Variants in LAMP5 observed in about 807,000 individuals in gnomAD.
LAMP5 encodes the protein lysosome associated membrane protein 5.
LAMP5 carries 36 observed loss-of-function variants against 30.2 expected under a neutral mutation model. The observed-to-expected ratio is 1.19, with a 90% CI of 0.91 to 1.57. LAMP5 has a LOEUF of 1.57. LAMP5 is among the 40% of genes most tolerant of loss of function. The probability of loss-of-function intolerance (pLI) is 0.00; values close to 1 mark genes in which losing one functional copy is unlikely to be tolerated. For missense variants in LAMP5, 377 were observed against 354.9 expected, an observed-to-expected ratio of 1.06 and a Z score of -0.50; for synonymous variants, 149 against 134.6, an observed-to-expected ratio of 1.11 and a Z score of -0.74.
rs145179855 is a variant in LAMP5 at position 9,517,253 on chromosome 20, C to A, written c.476-787C>A. 2.1e-3 allele frequency among the ~76,000 whole-genome samples: 318 copies of A among 152,152 alleles called. 1 individual carries two copies. Among genetic ancestry groups the A allele is most frequent in the Admixed American group, 7.7e-3 (118 of 15,280 alleles). ...GAAAAAGGAAAAATCAAACTTAGGT[C>A]AGAAAAAGAGCAATGGGAGGCAGAC... is the stretch of plus-strand genomic sequence containing the variant. On this transcript the variant is annotated intron_variant, in intron 4 of 5. Coordinates refer to ENST00000246070, the MANE Select transcript of LAMP5 (RefSeq NM_012261.4).
At chr20:9,517,943 G>T (rs1430849967) in intron 4 of LAMP5, 97 bp from the exon 5 acceptor site, 3 of 1,027,208 alleles carry the variant, frequency 2.9e-6, no homozygotes, top group East Asian at 2.5e-5. Flanking sequence ...GACAGGAGGG[G>T]TGTGGTGTCT....
chr20:9,524,666 T>G (rs1345473510), intron 5 of LAMP5, among the ~76,000 whole-genome samples: 1 of 151,338 alleles, frequency 6.6e-6, no homozygotes. Context: ...TCAGAATATT[T>G]TAGACTTTAG....
At chr20:9,528,589 T>G (rs75822033) in intron 5 of LAMP5, among the ~76,000 whole-genome samples, 4,227 of 152,264 alleles carry the variant, frequency 0.028, 84 homozygotes, top group African/African-American at 0.061. Flanking sequence ...AAATATCACG[T>G]GTCCCATAAA....
intron 5 of LAMP5, among the ~76,000 whole-genome samples, chr20:9,523,016 C>A (rs987079505): frequency 7.5e-6 from 1 of 133,732 alleles, no homozygotes; most frequent in Non-Finnish European, 1.5e-5. Context: ...CAAGGCTGGC[C>A]TTGAACTCCT....
intron 5 of LAMP5, among the ~76,000 whole-genome samples, chr20:9,523,044 C>T (rs2045089681): frequency 6.9e-6 from 1 of 144,568 alleles, no homozygotes; most frequent in Admixed American, 7.0e-5. Context: ...AGCAATCTTC[C>T]CACTTCAGCC....
intron 5 of LAMP5, among the ~76,000 whole-genome samples, chr20:9,521,552 T>C (rs2045079814): frequency 6.6e-6 from 1 of 152,208 alleles, no homozygotes; most frequent in African/African-American, 2.4e-5. Flanking sequence ...TTGGCTCATT[T>C]ATTTACCAAA....
chr20:9,519,472 A>C (rs115553311), intron 5 of LAMP5, among the ~76,000 whole-genome samples: 1 of 152,220 alleles, frequency 6.6e-6, no homozygotes, highest in East Asian at 1.9e-4. Flanking sequence ...TCTTTAAGAA[A>C]AGACAGGTGG....
In LAMP5 at chr20:9,520,027, A is replaced by G. The variant is rs573283063; in HGVS notation, c.664+1799A>G. Among the ~76,000 whole-genome samples, 3 of 152,366 alleles carry G rather than the reference A, an allele frequency of 2.0e-5. No homozygotes were observed. The East Asian group carries it at 5.8e-4, about 29-fold the overall frequency. On this transcript the variant is annotated intron_variant, in intron 5 of 5. Coordinates refer to ENST00000246070, the MANE Select transcript of LAMP5 (RefSeq NM_012261.4). ...CCTAAAAATCAGTACAATTCATTGCATGGAGTAAATGGTGTCTTTTGTTTT... is the reference window on the plus strand; with the variant it reads ...CCTAAAAATCAGTACAATTCATTGCGTGGAGTAAATGGTGTCTTTTGTTTT...
intron 2 of LAMP5, 82 bp from the exon 3 acceptor site, chr20:9,515,918 C>T: frequency 2.1e-6 from 3 of 1,405,770 alleles, no homozygotes; most frequent in Non-Finnish European, 2.8e-6. Context: ...GCGTGCAACC[C>T]AGAGTTTGGA....
intron 5 of LAMP5, among the ~76,000 whole-genome samples, chr20:9,522,577 C>T (rs2045086179): frequency 6.6e-6 from 1 of 152,180 alleles, no homozygotes. Flanking sequence ...ATGGAGTTAG[C>T]CAGTCATAGA....
At chr20:9,516,499 G>A in intron 4 of LAMP5, 138 bp downstream of exon 4, 1 of 731,264 alleles carries the variant, frequency 1.4e-6, no homozygotes, top group South Asian at 1.7e-5. Context: ...TTGCTCTTTA[G>A]GGCGGAAGAG....
chr20:9,519,190 T>G lies in LAMP5; in HGVS notation c.664+962T>G, dbSNP rs1453357802. On this transcript the variant is annotated intron_variant, in intron 5 of 5. Coordinates refer to ENST00000246070, the MANE Select transcript of LAMP5 (RefSeq NM_012261.4). ...CTCCCTCACAAAGGAGGTTATTAAA[T>G]TTTATATTCTGTTTATTCTACATGG... 2.6e-5 allele frequency among the ~76,000 whole-genome samples: 4 copies of G among 152,362 alleles called. No individual in the cohort carries two copies. In the East Asian group the frequency reaches 7.7e-4, roughly 29 times the overall value.
chr20:9,515,334 C>CAGCT (rs1297851913), intron 1 of LAMP5, 119 bp from the exon 2 acceptor site: 1 of 869,536 alleles, frequency 1.2e-6, no homozygotes, highest in Non-Finnish European at 1.7e-6. Context: ...GTAGAGCGCA[C>CAGCT]AGCTGCTGGC....
intron 5 of LAMP5, among the ~76,000 whole-genome samples, chr20:9,526,876 A>G (rs1203850321): frequency 1.8e-4 from 19 of 107,136 alleles, no homozygotes; most frequent in East Asian, 1.0e-3. Flanking sequence ...ATATATATAT[A>G]TATATATATA....
intron 5 of LAMP5, among the ~76,000 whole-genome samples, chr20:9,519,376 C>T (rs1190916659): frequency 2.6e-5 from 4 of 152,172 alleles, no homozygotes; most frequent in African/African-American, 9.7e-5. Context: ...TAAAATGCAG[C>T]TTCCACTCAA....
chr20:9,526,298 A>G (rs1318643092), intron 5 of LAMP5, among the ~76,000 whole-genome samples: 2 of 152,074 alleles, frequency 1.3e-5, no homozygotes, highest in East Asian at 1.9e-4. Context: ...TTTCTATTCA[A>G]TGTATTGTAT....
intron 5 of LAMP5, among the ~76,000 whole-genome samples, chr20:9,524,622 A>G (rs910590974): frequency 1.3e-5 from 2 of 151,014 alleles, no homozygotes; most frequent in African/African-American, 4.9e-5. Flanking sequence ...AAAAACAAAC[A>G]AAAAAAACCT....
chr20:9,514,786 T>C lies in LAMP5; in HGVS notation c.-67T>C, dbSNP rs2045022182. 1 of 1,500,948 alleles carries C rather than the reference T, an allele frequency of 6.7e-7. No individual in the cohort carries two copies. Among genetic ancestry groups the C allele is most frequent in the African/African-American group, 1.4e-5 (1 of 72,302 alleles). 93.0% of individuals were successfully genotyped at this position (1,500,948 alleles called of 1,614,324 possible). On this transcript the variant is annotated 5_prime_UTR_variant, in exon 1 of 6. Transcript: ENST00000246070. ...CACCCCGGCCCACTCCAGCGGCGAC[T>C]TTGAGGGATTCCCTCTCTGGCGGCC...
intron 5 of LAMP5, among the ~76,000 whole-genome samples, chr20:9,519,149 A>G (rs2045063077): frequency 2.0e-5 from 3 of 152,202 alleles, no homozygotes; most frequent in Admixed American, 6.5e-5. Flanking sequence ...AAATGAATTC[A>G]TATCATTTAT....
Sources: allele counts gnomAD v4.1 joint callset (sites outside exome capture counted in the v4.1 genomes callset), GRCh38; gene constraint gnomAD v4.1.1; transcripts MANE v1.5; gene names NCBI Gene and HGNC (gene_info 2026-07-23, HGNC 2026-07-21).